The following NPEPL1 variants were observed in gnomAD, a reference collection of about 807,000 sequenced individuals.
NPEPL1 encodes the protein probable aminopeptidase NPEPL1.
NPEPL1 carries 45 observed loss-of-function variants against 52.4 expected under a neutral mutation model. That is an observed-to-expected ratio of 0.86 (90% CI 0.68 to 1.10). NPEPL1 has a LOEUF of 1.10. Ranked by LOEUF, NPEPL1 falls within the 50% of genes least tolerant of loss-of-function variation. NPEPL1 has a pLI of 0.00. For synonymous variants in NPEPL1, 360 were observed against 314.7 expected (o/e 1.14, Z -1.52); for missense variants, 696 against 710.9 (o/e 0.98, Z 0.24).
rs1489749614 is a variant in NPEPL1, at chr20:58,699,194, C to T, written c.598-3C>T. 1 of 1,591,312 alleles carries T rather than the reference C, an allele frequency of 6.3e-7. No individual in the cohort carries two copies. Among genetic ancestry groups the T allele is most frequent in the Non-Finnish European group, 8.6e-7 (1 of 1,168,684 alleles). On this transcript the variant is annotated splice_polypyrimidine_tract_variant and splice_region_variant and intron_variant, in intron 4 of 11. Coordinates refer to ENST00000356091, the MANE Select transcript of NPEPL1 (RefSeq NM_024663.4). Reference sequence around the variant, plus strand: ...CTGTTGTTTTTTCCATGAACATGTCCAGGAGATTAACAAAGTTGGAAAGGA... The same window carrying T: ...CTGTTGTTTTTTCCATGAACATGTCTAGGAGATTAACAAAGTTGGAAAGGA...
intron 10 of NPEPL1, 137 bp from the exon 11 acceptor site, chr20:58,714,423 T>A: frequency 1.5e-6 from 1 of 649,532 alleles, no homozygotes; most frequent in Non-Finnish European, 2.6e-6. Flanking sequence ...CCAGCCCAGC[T>A]TCTGCTGCCT....
chr20:58,703,740 A>G (rs1382679441), intron 6 of NPEPL1: 11 of 984,376 alleles, frequency 1.1e-5, no homozygotes, highest in Non-Finnish European at 1.3e-5. Context: ...AATTAACACA[A>G]AGGAAAAACC....
intron 7 of NPEPL1, 82 bp downstream of exon 7, chr20:58,707,282 A>G: frequency 1.6e-6 from 2 of 1,261,608 alleles, no homozygotes; most frequent in Non-Finnish European, 2.2e-6. Context: ...CCGTCCCGCC[A>G]CAGGCCCCAC....
intron 7 of NPEPL1, chr20:58,711,141 C>G (rs914026325): frequency 5.5e-4 from 81 of 147,284 alleles, no homozygotes; most frequent in African/African-American, 2.0e-3. Flanking sequence ...CCTCCCCACG[C>G]CCCAGCAGGC....
chr20:58,700,997 C>A lies in NPEPL1; in HGVS notation c.680-19C>A. ...AGCTCAGCCCGAGCCTAACCCAGTT[C>A]TCCCCACGCTTTCCATAGGAATCTA... On this transcript the variant is annotated intron_variant, in intron 5 of 11. Transcript: ENST00000356091. The A allele has an allele frequency of 6.5e-7, 1 of 1,546,360 alleles. No individual in the cohort carries two copies. Among genetic ancestry groups the A allele is most frequent in the Non-Finnish European group, 8.7e-7 (1 of 1,144,196 alleles).
rs371742443 is a variant in NPEPL1, at chr20:58,698,274, C to T, written c.508-410C>T. ...TGGGATCTTGGTGGGAGGGAAAGGA[C>T]TGTGGGATCTGCAGAGGTGAGGCGT... On this transcript the variant is annotated intron_variant, in intron 3 of 11. Coordinates refer to ENST00000356091, the MANE Select transcript of NPEPL1 (RefSeq NM_024663.4). Among the ~76,000 whole-genome samples, 218 of 151,946 alleles carry T rather than the reference C, an allele frequency of 1.4e-3. No homozygotes were observed. The Middle Eastern group carries it at 0.024, about 17-fold the overall frequency.
chr20:58,715,331 C>A lies in NPEPL1; in HGVS notation c.*5C>A. 6.3e-7 allele frequency: 1 copy of A among 1,596,150 alleles called. No individual in the cohort carries two copies. The highest frequency in any genetic ancestry group is 1.7e-4 in the Middle Eastern group (1 of 5,934). On this transcript the variant is annotated 3_prime_UTR_variant, in exon 12 of 12. Coordinates refer to ENST00000356091, the MANE Select transcript of NPEPL1 (RefSeq NM_024663.4). ...AAGAGACGCAGGCTTGTGTGAGCCT[C>A]CTGCCTCGGCCCTGACAAACGGGGA...
intron 6 of NPEPL1, chr20:58,703,616 C>G (rs1011033472): frequency 2.0e-6 from 2 of 985,192 alleles, no homozygotes; most frequent in Admixed American, 6.2e-5. Flanking sequence ...CCTGGGAATT[C>G]ATTCGTTTGC....
intron 11 of NPEPL1, 99 bp from the exon 12 acceptor site, chr20:58,715,069 G>A: frequency 7.6e-7 from 1 of 1,317,954 alleles, no homozygotes; most frequent in Non-Finnish European, 1.0e-6. Flanking sequence ...AGGGGACTGT[G>A]GGGCACGTGG....
intron 6 of NPEPL1, among the ~76,000 whole-genome samples, chr20:58,706,773 C>T (rs1010053401): frequency 1.3e-5 from 2 of 152,154 alleles, no homozygotes; most frequent in African/African-American, 4.8e-5. Flanking sequence ...GCACGGGGTC[C>T]CTGTTTCAAT....
At chr20:58,714,188 G>A in intron 10 of NPEPL1, 95 bp downstream of exon 10, 1 of 1,418,362 alleles carries the variant, frequency 7.1e-7, no homozygotes, top group South Asian at 1.4e-5. Context: ...CAGGGAGCTG[G>A]GGCCCCCCAG....
rs2084403854 is a variant in NPEPL1 at position 58,693,796 on chromosome 20, C to T, written c.210C>T (p.Tyr70=). 6.2e-7 allele frequency: 1 copy of T among 1,613,856 alleles called. No homozygotes were observed. Among genetic ancestry groups the T allele is most frequent in the Non-Finnish European group, 8.5e-7 (1 of 1,179,792 alleles). Reference sequence around the variant, plus strand: ...ACCCCACGGACAGCTGTCCCCTCTACCTGAACTACGCCACCGTGGCTGCCC... The same window carrying T: ...ACCCCACGGACAGCTGTCCCCTCTATCTGAACTACGCCACCGTGGCTGCCC... ...NPNPTDSCPL[Y]LNYATVAALP... is the part of the protein sequence containing the mutation. The change falls in exon 2 of 12, where the codon TAC becomes TAT. Residue 70 remains tyrosine, a synonymous_variant. Coordinates refer to ENST00000356091, the MANE Select transcript of NPEPL1 (RefSeq NM_024663.4).
intron 7 of NPEPL1, 54 bp from the exon 8 acceptor site, chr20:58,712,418 TCCTCCCC>T: frequency 8.9e-7 from 1 of 1,128,796 alleles, no homozygotes; most frequent in Middle Eastern, 2.0e-4. Flanking sequence ...CCCCAGCTCG[TCCTCCCC>T]CCTCCCCAAA....
upstream of NPEPL1, chr20:58,690,974 T>G (rs1479489628): frequency 1.6e-6 from 1 of 628,362 alleles, no homozygotes; most frequent in Non-Finnish European, 2.9e-6. Flanking sequence ...GAACCTTCTG[T>G]TCTAACCACA....
upstream of NPEPL1, among the ~76,000 whole-genome samples, chr20:58,690,320 A>G (rs1195524401): frequency 1.3e-5 from 2 of 152,220 alleles, no homozygotes; most frequent in Non-Finnish European, 2.9e-5. Context: ...AAGATCTGGT[A>G]ATTTGTTTTA....
upstream of NPEPL1, chr20:58,691,400 T>TG: frequency 2.2e-6 from 1 of 445,660 alleles, no homozygotes; most frequent in Non-Finnish European, 3.9e-6. Context: ...TTTTTTTTTT[T>TG]TGAGTGCCTG....
intron 3 of NPEPL1, 94 bp downstream of exon 3, chr20:58,694,686 G>A (rs751995417): frequency 9.1e-6 from 12 of 1,315,996 alleles, no homozygotes; most frequent in Non-Finnish European, 1.2e-5. Flanking sequence ...TGTTGCGGGG[G>A]CAGGAGGGGG....
At chr20:58,698,998 G>A (rs1164436188) in intron 4 of NPEPL1, among the ~76,000 whole-genome samples, 199 bp from the exon 5 acceptor site, 1 of 152,238 alleles carries the variant, frequency 6.6e-6, no homozygotes, top group African/African-American at 2.4e-5. Context: ...CAGGACCACA[G>A]CCAGAGCTAC....
At position 58,707,189 on chromosome 20, in the gene NPEPL1, G is replaced by T. The variant is rs535099373; in HGVS notation, c.889G>T (p.Ala297Ser). 6.4e-7 allele frequency: 1 copy of T among 1,550,778 alleles called. No individual in the cohort carries two copies. The highest frequency in any genetic ancestry group is 2.0e-5 in the Admixed American group (1 of 51,060). The change falls in exon 7 of 12, where the codon GCA (alanine) becomes TCA (serine). Residue 297 changes from alanine to serine, a missense_variant. Transcript: ENST00000356091. ...AAAVLGAFRA[A>S]IKQGFKDNLH... ...GGCCGTCCTGGGGGCCTTCAGAGCC[G>T]CAATCAAGCAGGTGAGTGGGCCCTG...
Sources: gnomAD v4.1 joint callset for allele counts (sites outside exome capture counted in the v4.1 genomes callset) on GRCh38, gnomAD v4.1.1 for gene constraint, MANE v1.5 for transcripts, NCBI Gene and HGNC (gene_info 2026-07-23, HGNC 2026-07-21) for gene names.